The following WT1 variants were observed in gnomAD, a reference collection of about 807,000 sequenced individuals.
The protein encoded by WT1 is Wilms tumor protein.
In WT1, 8 loss-of-function variants were observed where a neutral mutation model predicts 60.8. That is an observed-to-expected ratio of 0.13 (90% CI 0.08 to 0.24). WT1 has a LOEUF of 0.24. WT1 is among the 10% of genes least tolerant of loss of function. The pLI is 1.00. For synonymous variants in WT1, 312 were observed against 297.1 expected (o/e 1.05, Z -0.52); for missense variants, 568 against 711.8 (o/e 0.80, Z 2.30).
chr11:32,392,179 T>A, intron 8 of WT1, 115 bp from the exon 9 acceptor site: 1 of 895,956 alleles, frequency 1.1e-6, no homozygotes, highest in Non-Finnish European at 1.9e-6. Flanking sequence ...GCCTGCAATG[T>A]CTGCATCTGC....
chr11:32,432,648 A>C (rs943475883), intron 1 of WT1, among the ~76,000 whole-genome samples: 1 of 152,092 alleles, frequency 6.6e-6, no homozygotes, highest in Non-Finnish European at 1.5e-5. Flanking sequence ...GTCCCCTTTT[A>C]ACTTTTTCTC....
chr11:32,426,298 G>A (rs1221202781), intron 3 of WT1, among the ~76,000 whole-genome samples: 2 of 152,196 alleles, frequency 1.3e-5, no homozygotes. Context: ...GTCATTACGT[G>A]GGAACCATTC....
At chr11:32,428,713 C>T in intron 1 of WT1, 94 bp from the exon 2 acceptor site, 2 of 1,537,286 alleles carry the variant, frequency 1.3e-6, no homozygotes, top group South Asian at 1.2e-5. Context: ...GGGGTGTGCG[C>T]TGAACCCCGC....
chr11:32,423,934 G>A (rs764528157), intron 3 of WT1, among the ~76,000 whole-genome samples: 6 of 152,120 alleles, frequency 3.9e-5, no homozygotes, highest in Non-Finnish European at 5.9e-5. Flanking sequence ...AGGCCCAGGC[G>A]GGTGGATCAC....
Position 32,399,931 on chromosome 11 carries a change from CCTGT to C in WT1, c.1113+13_1113+16del, listed in dbSNP as rs781613684. On this transcript the variant is annotated intron_variant, in intron 6 of 9. Coordinates refer to ENST00000452863, the MANE Select transcript of WT1 (RefSeq NM_024426.6). ...CAGTGCGGCCCCCTTCCCGCTGGGG[CCTGT>C]CTGTGTGCTCACCTGAATGCCTCTG... 12 of 1,613,844 alleles carry C rather than the reference CCTGT, an allele frequency of 7.4e-6. No individual in the cohort carries two copies. The highest frequency in any genetic ancestry group is 1.3e-5 in the African/African-American group (1 of 75,048).
chr11:32,433,370 G>C, intron 1 of WT1, among the ~76,000 whole-genome samples: 1 of 152,366 alleles, frequency 6.6e-6, no homozygotes, highest in East Asian at 1.9e-4. Context: ...GCTTCGCGGG[G>C]GCCGGGTGCT....
chr11:32,425,228 A>AG (rs767259456), intron 3 of WT1, among the ~76,000 whole-genome samples: 1 of 149,538 alleles, frequency 6.7e-6, no homozygotes, highest in Non-Finnish European at 1.5e-5. Context: ...TTGGTGAGGG[A>AG]GGGGGAGAAA....
chr11:32,417,121 G>T (rs1486070590), intron 4 of WT1, among the ~76,000 whole-genome samples: 2 of 152,054 alleles, frequency 1.3e-5, no homozygotes, highest in East Asian at 3.9e-4. Context: ...AGTATGGAAA[G>T]AAAAACCCTG....
At chr11:32,408,185 C>T (rs1852378349) in intron 5 of WT1, among the ~76,000 whole-genome samples, 3 of 144,578 alleles carry the variant, frequency 2.1e-5, no homozygotes, top group Admixed American at 1.5e-4. Flanking sequence ...ATCGCATCAG[C>T]CTGGCTACAG....
At chr11:32,409,572 C>A (rs1852430042) in intron 5 of WT1, among the ~76,000 whole-genome samples, 1 of 152,042 alleles carries the variant, frequency 6.6e-6, no homozygotes, top group African/African-American at 2.4e-5. Context: ...ACTCCTCCCA[C>A]CTCAGCCTCC....
chr11:32,408,649 G>C lies in WT1; in HGVS notation c.1016+7841C>G, dbSNP rs548469280. Among the ~76,000 whole-genome samples, 31 of 151,836 alleles carry C rather than the reference G, an allele frequency of 2.0e-4. No homozygotes were observed. The East Asian group carries it at 4.3e-3, about 21-fold the overall frequency. ...CAGAAAAAAAGAAACACAGGGGAGA[G>C]AGGACCAAGTTTAAAAGACTGTAAG... On this transcript the variant is annotated intron_variant, in intron 5 of 9. Transcript: ENST00000452863.
At chr11:32,416,656 T>G in intron 4 of WT1, 116 bp from the exon 5 acceptor site, 363 of 1,169,474 alleles carry the variant, frequency 3.1e-4, no homozygotes, top group Non-Finnish European at 4.0e-4. Flanking sequence ...TCAAGCTAGC[T>G]ATCAAGAGTG....
chr11:32,426,544 G>T (rs1853044112), intron 3 of WT1, among the ~76,000 whole-genome samples: 1 of 152,206 alleles, frequency 6.6e-6, no homozygotes, highest in Admixed American at 6.5e-5. Context: ...GAACAGGAAT[G>T]ATTTCTAGCT....
In WT1 at chr11:32,434,830, G is replaced by C. The variant is rs1354094843; in HGVS notation, c.531C>G (p.Ala177=). ...CGAAGGGCCCGTAGCGACAGGCTCC[G>C]GCTGTGCCAGTGAACTGGCCGGAAA... The change falls in exon 1 of 10, where the codon GCC becomes GCG. Residue 177 remains alanine, a synonymous_variant. Coordinates refer to ENST00000452863, the MANE Select transcript of WT1 (RefSeq NM_024426.6). The C allele has an allele frequency of 6.2e-7, 1 of 1,612,450 alleles. No individual in the cohort carries two copies. The highest frequency in any genetic ancestry group is 8.5e-7 in the Non-Finnish European group (1 of 1,179,770).
At chr11:32,396,511 G>A in intron 6 of WT1, 104 bp from the exon 7 acceptor site, 1 of 1,513,552 alleles carries the variant, frequency 6.6e-7, no homozygotes, top group South Asian at 1.2e-5. Context: ...AGAAGGGGTG[G>A]CAGGTGCAGA....
intron 6 of WT1, among the ~76,000 whole-genome samples, chr11:32,396,931 G>A (rs5030273): frequency 0.015 from 2,299 of 152,304 alleles, 58 homozygotes; most frequent in African/African-American, 0.052. Flanking sequence ...TAACAAGGAA[G>A]AAGAAGCCCC....
At chr11:32,428,102 G>T (rs1341461604) in intron 2 of WT1, 44 bp from the exon 3 acceptor site, 71 of 1,530,450 alleles carry the variant, frequency 4.6e-5, no homozygotes, top group Non-Finnish European at 6.2e-5. Flanking sequence ...CGCCCCAAGG[G>T]CTCGGGGTGC....
At chr11:32,390,597 C>T (rs1392754348) in intron 9 of WT1, among the ~76,000 whole-genome samples, 1 of 152,206 alleles carries the variant, frequency 6.6e-6, no homozygotes, top group Non-Finnish European at 1.5e-5. Flanking sequence ...TGTTTTCCTT[C>T]ACTCGCTGTT....
intron 4 of WT1, chr11:32,417,319 T>C (rs1472709675): frequency 4.0e-6 from 2 of 499,282 alleles, no homozygotes; most frequent in Non-Finnish European, 7.2e-6. Flanking sequence ...TGAAGAATTA[T>C]AAAACATTCA....
Sources: allele counts gnomAD v4.1 joint callset (sites outside exome capture counted in the v4.1 genomes callset), GRCh38; gene constraint gnomAD v4.1.1; transcripts MANE v1.5; gene names NCBI Gene and HGNC (gene_info 2026-07-23, HGNC 2026-07-21).